Variants in TRAK1 observed in about 807,000 individuals in gnomAD.
TRAK1 encodes the protein trafficking kinesin-binding protein 1.
In TRAK1, 33 loss-of-function variants were observed where a neutral mutation model predicts 92.1. The ratio of observed to expected loss-of-function variants is 0.36; its 90% CI spans 0.27 to 0.48. The LOEUF (loss-of-function observed/expected upper bound fraction) is 0.48. Ranked by LOEUF, TRAK1 falls within the 20% of genes least tolerant of loss-of-function variation. TRAK1 has a pLI of 0.99. For missense variants in TRAK1, 1,123 were observed against 1,257.9 expected (o/e 0.89, Z 1.62); for synonymous variants, 521 against 517.3 (o/e 1.01, Z -0.10).
At chr3:42,091,636 G>C (rs2148966862) in intron 1 of TRAK1, 76 bp downstream of exon 1, 1 of 1,417,388 alleles carries the variant, frequency 7.1e-7, no homozygotes, top group African/African-American at 1.4e-5. Flanking sequence ...GACCACAGGA[G>C]AAGCTGTCTC....
At chr3:42,146,608 G>T (rs186112654) in intron 2 of TRAK1, among the ~76,000 whole-genome samples, 1 of 152,170 alleles carries the variant, frequency 6.6e-6, no homozygotes, top group Non-Finnish European at 1.5e-5. Context: ...AGGCTGCAGT[G>T]CAGTGGCATG....
chr3:42,165,240 G>A (rs4683333), intron 2 of TRAK1, among the ~76,000 whole-genome samples: 1 of 151,808 alleles, frequency 6.6e-6, no homozygotes, highest in Non-Finnish European at 1.5e-5. Context: ...CCTTAGGGGT[G>A]GTTGCTAAGA....
intron 6 of TRAK1, 93 bp downstream of exon 6, chr3:42,189,217 C>A: frequency 1.1e-6 from 1 of 899,154 alleles, no homozygotes. Context: ...GTGCCCTCCT[C>A]AAAGCTGGCA....
intron 2 of TRAK1, among the ~76,000 whole-genome samples, chr3:42,146,987 C>G (rs530826057): frequency 1.3e-5 from 2 of 152,178 alleles, no homozygotes; most frequent in Non-Finnish European, 1.5e-5. Flanking sequence ...TAAGGCCCAT[C>G]ATCATCTTTT....
chr3:42,065,018 A>G (rs929884493), intron 1 of TRAK1, among the ~76,000 whole-genome samples: 11 of 152,140 alleles, frequency 7.2e-5, no homozygotes, highest in African/African-American at 2.7e-4. Flanking sequence ...TGGAGCTTAC[A>G]GTGAGCTGAG....
intron 13 of TRAK1, chr3:42,203,557 A>G (rs1456703563): frequency 1.0e-6 from 1 of 967,396 alleles, no homozygotes; most frequent in Non-Finnish European, 1.2e-6. Flanking sequence ...ACCTGCTGCT[A>G]CTCTGCCAAG....
chr3:42,050,352 G>C (rs1702931660), intron 1 of TRAK1, among the ~76,000 whole-genome samples: 1 of 152,204 alleles, frequency 6.6e-6, no homozygotes, highest in Non-Finnish European at 1.5e-5. Flanking sequence ...GGGCGTTCAG[G>C]AAGGTGAGGA....
Position 42,185,973 on chromosome 3 carries a change from CTTTTTTTT to C in TRAK1, c.480+1192_480+1199del, listed in dbSNP as rs1054954407. Among the ~76,000 whole-genome samples, 11 of 83,978 alleles carry C rather than the reference CTTTTTTTT, an allele frequency of 1.3e-4. No individual in the cohort carries two copies. The South Asian group carries it at 3.5e-3, about 27-fold the overall frequency. 55.1% of individuals were successfully genotyped at this position (83,978 alleles called of 152,430 possible). The stretch of plus-strand genomic sequence containing the variant: ...ACAGGCATGAGCCACTGTGCCCAGC[CTTTTTTTT>C]TTTTTTTTTTTTTTTTTTTGAGATA... On this transcript the variant is annotated intron_variant, in intron 4 of 15. Coordinates refer to ENST00000327628, the MANE Select transcript of TRAK1 (RefSeq NM_001042646.3).
At chr3:42,125,330 A>C in intron 1 of TRAK1, 90 bp from the exon 2 acceptor site, 1 of 1,193,874 alleles carries the variant, frequency 8.4e-7, no homozygotes, top group Non-Finnish European at 1.2e-6. Flanking sequence ...AAATAACCGA[A>C]GATACCTGCC....
intron 13 of TRAK1, among the ~76,000 whole-genome samples, chr3:42,206,152 CAAAG>C (rs765541662): frequency 6.6e-6 from 1 of 152,142 alleles, no homozygotes; most frequent in African/African-American, 2.4e-5. Flanking sequence ...CTTCTTATGT[CAAAG>C]GAAGGACTCC....
chr3:42,215,049 A>G (rs1029246784), intron 14 of TRAK1, among the ~76,000 whole-genome samples: 6 of 152,194 alleles, frequency 3.9e-5, no homozygotes, highest in Admixed American at 2.6e-4. Context: ...AATCCCTAAC[A>G]TAGTACTTGT....
At chr3:42,168,906 C>T (rs1559865612) in intron 2 of TRAK1, among the ~76,000 whole-genome samples, 1 of 152,240 alleles carries the variant, frequency 6.6e-6, no homozygotes, top group Non-Finnish European at 1.5e-5. Flanking sequence ...TCACTGCAAC[C>T]TGTGCCTCCC....
chr3:42,058,325 T>C (rs1325036489), intron 1 of TRAK1, among the ~76,000 whole-genome samples: 1 of 151,814 alleles, frequency 6.6e-6, no homozygotes, highest in East Asian at 1.9e-4. Flanking sequence ...AACCTTTATT[T>C]TTAAATTTAA....
chr3:42,217,834 C>T, intron 14 of TRAK1: 1 of 984,402 alleles, frequency 1.0e-6, no homozygotes, highest in Non-Finnish European at 1.2e-6. Flanking sequence ...TGTTTGGTTG[C>T]CTTCTCTTCA....
chr3:42,202,203 A>C lies in TRAK1; in HGVS notation c.1428-233A>C, dbSNP rs535798275. On this transcript the variant is annotated intron_variant, in intron 12 of 15. Coordinates refer to ENST00000327628, the MANE Select transcript of TRAK1 (RefSeq NM_001042646.3). This position sits in a 1 kb window ranked among gnomAD's most constrained non-coding sequence, Gnocchi z 6.1. ...TTACTTAGTCTGTGTGCAGATATTCATCCCACCTTAGTCCTCACCCCACCT... is the reference window on the plus strand; with the variant it reads ...TTACTTAGTCTGTGTGCAGATATTCCTCCCACCTTAGTCCTCACCCCACCT... Among the ~76,000 whole-genome samples, 18 of 152,246 alleles carry C rather than the reference A, an allele frequency of 1.2e-4. No homozygotes were observed. The highest frequency in any genetic ancestry group is 4.1e-4 in the African/African-American group (17 of 41,550).
intron 2 of TRAK1, among the ~76,000 whole-genome samples, chr3:42,128,242 TTTTG>T (rs1287603591): frequency 1.3e-5 from 2 of 152,212 alleles, no homozygotes; most frequent in African/African-American, 4.8e-5. Flanking sequence ...TGAGTGTCTT[TTTTG>T]TTTGTTTGCT....
At chr3:42,161,363 T>C (rs764139511) in intron 2 of TRAK1, among the ~76,000 whole-genome samples, 1 of 152,210 alleles carries the variant, frequency 6.6e-6, no homozygotes, top group Non-Finnish European at 1.5e-5. Context: ...TTTTCCTGTC[T>C]TGGGATAACT....
chr3:42,148,265 G>A (rs1419755766), intron 2 of TRAK1, among the ~76,000 whole-genome samples: 1 of 152,134 alleles, frequency 6.6e-6, no homozygotes, highest in African/African-American at 2.4e-5. Flanking sequence ...AGGCACCAGG[G>A]TTGCTGTTAA....
chr3:42,028,263 G>A lies in TRAK1; in HGVS notation c.-519+14146G>A, dbSNP rs141261869. 3.8e-3 allele frequency among the ~76,000 whole-genome samples: 576 copies of A among 152,294 alleles called. 3 individuals carry two copies. Among genetic ancestry groups the A allele is most frequent in the Non-Finnish European group, 5.3e-3 (363 of 68,016 alleles). On this transcript the variant is annotated intron_variant, in intron 1 of 16. Coordinates refer to the TRAK1 transcript ENST00000487159. ...TTGCTGAGTGGTTTATGTTTATTCC[G>A]GAAATACATGGTTCACTCTGATTTT...
Sources: allele counts gnomAD v4.1 joint callset (sites outside exome capture counted in the v4.1 genomes callset), GRCh38; gene constraint gnomAD v4.1.1; non-coding constraint Gnocchi (gnomAD v3.1); transcripts MANE v1.5; gene names NCBI Gene and HGNC (gene_info 2026-07-23, HGNC 2026-07-21).